The following DOK5 variants were observed in gnomAD, a reference collection of about 807,000 sequenced individuals.
DOK5 encodes the protein docking protein 5, also known as downstream of tyrosine kinase 5.
A neutral mutation model predicts 43.3 loss-of-function variants in DOK5; 27 were observed. The ratio of observed to expected loss-of-function variants is 0.62; its 90% CI spans 0.46 to 0.86. DOK5 has a LOEUF of 0.86. DOK5 is among the 40% of genes least tolerant of loss of function. DOK5 has a pLI of 0.00. For missense variants in DOK5, 373 were observed against 392.9 expected, an observed-to-expected ratio of 0.95 and a Z score of 0.43; for synonymous variants, 146 against 140.1, an observed-to-expected ratio of 1.04 and a Z score of -0.30.
At chr20:54,618,740 G>A (rs1868784850) in intron 6 of DOK5, among the ~76,000 whole-genome samples, 1 of 151,938 alleles carries the variant, frequency 6.6e-6, no homozygotes, top group African/African-American at 2.4e-5. Flanking sequence ...TGTTAGGGCT[G>A]AGCACAGTGA....
At chr20:54,514,746 A>T (rs1983140057) in intron 1 of DOK5, among the ~76,000 whole-genome samples, 1 of 151,964 alleles carries the variant, frequency 6.6e-6, no homozygotes, top group South Asian at 2.1e-4. Context: ...GTCTGAGGCA[A>T]TTAGAAGCAA....
At chr20:54,553,564 G>A (rs1223764692) in intron 1 of DOK5, among the ~76,000 whole-genome samples, 2 of 149,672 alleles carry the variant, frequency 1.3e-5, no homozygotes, top group Admixed American at 6.6e-5. Flanking sequence ...GTATAATAGT[G>A]CCACTCAGAC....
Position 54,580,558 on chromosome 20 carries a change from T to C in DOK5, c.175-7925T>C, listed in dbSNP as rs906289694. 3.6e-4 allele frequency among the ~76,000 whole-genome samples: 55 copies of C among 152,208 alleles called. 1 individual carries two copies. The highest frequency in any genetic ancestry group is 1.2e-3 in the African/African-American group (51 of 41,552). ...TGTTTTTTTCTGATAATAGCCATCC[T>C]AAGAGATAGGAGGATGTGGTTATGG... is the stretch of plus-strand genomic sequence containing the variant. On this transcript the variant is annotated intron_variant, in intron 2 of 7. Coordinates refer to ENST00000262593, the MANE Select transcript of DOK5 (RefSeq NM_018431.5).
chr20:54,581,278 C>G (rs1236310749), intron 2 of DOK5, among the ~76,000 whole-genome samples: 1 of 151,022 alleles, frequency 6.6e-6, no homozygotes, highest in Non-Finnish European at 1.5e-5. Flanking sequence ...ATTATTGTAG[C>G]TTTGTAGTAT....
intron 1 of DOK5, among the ~76,000 whole-genome samples, chr20:54,514,816 T>C (rs927619674): frequency 6.6e-6 from 1 of 152,180 alleles, no homozygotes; most frequent in Middle Eastern, 3.4e-3. Flanking sequence ...GAGTGAATGA[T>C]GTCACAGGGA....
chr20:54,643,422 G>T, intron 6 of DOK5, 36 bp from the exon 7 acceptor site: 1 of 1,609,604 alleles, frequency 6.2e-7, no homozygotes. Flanking sequence ...CGGCCCCAGT[G>T]TTGCTGACGC....
At chr20:54,587,793 G>A (rs1313545158) in intron 2 of DOK5, among the ~76,000 whole-genome samples, 1 of 152,164 alleles carries the variant, frequency 6.6e-6, no homozygotes, top group African/African-American at 2.4e-5. Context: ...CTAGGAAGAA[G>A]GCGCCACTGG....
intron 6 of DOK5, among the ~76,000 whole-genome samples, chr20:54,625,214 A>C (rs1987098506): frequency 1.3e-5 from 2 of 152,194 alleles, no homozygotes; most frequent in South Asian, 2.1e-4. Flanking sequence ...AATCAGAATT[A>C]GGCAGCCCAT....
chr20:54,624,215 G>A (rs1987071415), intron 6 of DOK5, among the ~76,000 whole-genome samples: 1 of 152,194 alleles, frequency 6.6e-6, no homozygotes, highest in African/African-American at 2.4e-5. Context: ...AGGCGATTCT[G>A]CCCAGCAGCC....
chr20:54,507,510 C>T (rs539760059), intron 1 of DOK5, among the ~76,000 whole-genome samples: 17 of 152,256 alleles, frequency 1.1e-4, no homozygotes, highest in African/African-American at 2.6e-4. Context: ...ATCAAAAATC[C>T]GGTATTTTAC....
chr20:54,518,587 A>G lies in DOK5; in HGVS notation c.67-36346A>G, dbSNP rs545901184. On this transcript the variant is annotated intron_variant, in intron 1 of 7. Coordinates refer to ENST00000262593, the MANE Select transcript of DOK5 (RefSeq NM_018431.5). ...GTGAATAGTGCCGCAATAAACATAC[A>G]TGTGCATGTGTCTTTATAGCAGCAT... is the stretch of plus-strand genomic sequence containing the variant. Among the ~76,000 whole-genome samples, 1,480 of 152,214 alleles carry G rather than the reference A, an allele frequency of 9.7e-3. 30 individuals are homozygous for G. Among genetic ancestry groups the G allele is most frequent in the African/African-American group, 0.034 (1,413 of 41,496 alleles).
At chr20:54,645,066 G>T (rs1979342353) in intron 7 of DOK5, among the ~76,000 whole-genome samples, 1 of 133,508 alleles carries the variant, frequency 7.5e-6, no homozygotes, top group African/African-American at 2.9e-5. Flanking sequence ...GGACTGCAGT[G>T]GCGCGATCTC....
At chr20:54,619,337 C>G (rs1337671997) in intron 6 of DOK5, among the ~76,000 whole-genome samples, 1 of 151,882 alleles carries the variant, frequency 6.6e-6, no homozygotes, top group African/African-American at 2.4e-5. Context: ...AGCAAAACTT[C>G]AGGACAGCTC....
At chr20:54,587,939 G>A (rs907464043) in intron 2 of DOK5, among the ~76,000 whole-genome samples, 10 of 152,154 alleles carry the variant, frequency 6.6e-5, no homozygotes, top group Admixed American at 6.5e-5. Flanking sequence ...GTCAGGGGTC[G>A]TTTCTGAGAC....
intron 1 of DOK5, among the ~76,000 whole-genome samples, chr20:54,498,407 G>A (rs1452818734): frequency 6.6e-6 from 1 of 152,060 alleles, no homozygotes; most frequent in Non-Finnish European, 1.5e-5. Context: ...GTTTACCAAG[G>A]GAACAATAGC....
At chr20:54,568,376 A>G (rs1218448826) in intron 2 of DOK5, among the ~76,000 whole-genome samples, 1 of 152,212 alleles carries the variant, frequency 6.6e-6, no homozygotes, top group Non-Finnish European at 1.5e-5. Flanking sequence ...AACATAATCC[A>G]AGTACACATA....
chr20:54,520,885 T>A (rs933428148), intron 1 of DOK5, among the ~76,000 whole-genome samples: 15 of 151,490 alleles, frequency 9.9e-5, no homozygotes, highest in African/African-American at 3.6e-4. Flanking sequence ...TTCCCATGAT[T>A]GTGTGTCTGC....
intron 7 of DOK5, 134 bp from the exon 8 acceptor site, chr20:54,650,281 C>T: frequency 1.4e-6 from 1 of 712,898 alleles, no homozygotes; most frequent in South Asian, 1.8e-5. Flanking sequence ...ACATATCATC[C>T]TGAGAGGCCT....
Position 54,563,672 on chromosome 20 carries a change from T to G in DOK5, c.174+8632T>G, listed in dbSNP as rs908075573. On this transcript the variant is annotated intron_variant, in intron 2 of 7. Transcript: ENST00000262593. ...TCTTCTCTATTTGTCAGGTTTTTTT[T>G]TTTTTTTTTTTTTTACTTTCATGTT... is the stretch of plus-strand genomic sequence containing the variant. Among the ~76,000 whole-genome samples the G allele has an allele frequency of 6.0e-5, 9 of 150,690 alleles. 1 individual carries two copies. Among genetic ancestry groups the G allele is most frequent in the Admixed American group, 5.9e-4 (9 of 15,154 alleles).
Sources: allele counts gnomAD v4.1 joint callset (sites outside exome capture counted in the v4.1 genomes callset), GRCh38; gene constraint gnomAD v4.1.1; transcripts MANE v1.5; gene names NCBI Gene and HGNC (gene_info 2026-07-23, HGNC 2026-07-21).